GAD1: variants seen among roughly 807,000 people sequenced by gnomAD.
GAD1 encodes 67 kDa glutamic acid decarboxylase.
GAD1 carries 35 observed loss-of-function variants against 75.2 expected under a neutral mutation model. That is an observed-to-expected ratio of 0.47 (90% CI 0.36 to 0.62). GAD1 has a LOEUF of 0.62. GAD1 is among the 20% of genes least tolerant of loss of function. The pLI, the probability that GAD1 is intolerant of heterozygous loss-of-function variation, is 0.00. For synonymous variants in GAD1, 257 were observed against 271.9 expected (o/e 0.95, Z 0.54); for missense variants, 490 against 758.5 (o/e 0.65, Z 4.16).
chr2:170,834,766 T>A (rs1175561565), intron 5 of GAD1, among the ~76,000 whole-genome samples: 1 of 76,168 alleles, frequency 1.3e-5, no homozygotes, highest in Non-Finnish European at 2.8e-5. Context: ...ATATTCATTC[T>A]TTTTTTTTTT....
chr2:170,852,289 A>G lies in GAD1; in HGVS notation c.1185-425A>G, dbSNP rs45582337. ...TTTATATTAAGTTATTTTGTCCTTT[A>G]TTCAATTCTGTGAGGCACACACTCC... On this transcript the variant is annotated intron_variant, in intron 12 of 16. Coordinates refer to ENST00000358196, the MANE Select transcript of GAD1 (RefSeq NM_000817.3). Among the ~76,000 whole-genome samples, 930 of 152,284 alleles carry G rather than the reference A, an allele frequency of 6.1e-3. 4 individuals are homozygous for G. Among genetic ancestry groups the G allele is most frequent in the Non-Finnish European group, 8.6e-3 (585 of 68,016 alleles).
chr2:170,830,913 G>A, intron 4 of GAD1, 37 bp from the exon 5 acceptor site: 1 of 1,614,004 alleles, frequency 6.2e-7, no homozygotes, highest in Non-Finnish European at 8.5e-7. Context: ...CTAGATATGA[G>A]TCAGGTGAAA....
At chr2:170,824,074 C>G (rs981667695) in intron 3 of GAD1, among the ~76,000 whole-genome samples, 1 of 152,268 alleles carries the variant, frequency 6.6e-6, no homozygotes, top group African/African-American at 2.4e-5. Context: ...ACTCCCCCTC[C>G]CCCACTGTCA....
chr2:170,848,070 A>G (rs1199016991), intron 11 of GAD1, among the ~76,000 whole-genome samples: 1 of 152,208 alleles, frequency 6.6e-6, no homozygotes, highest in Non-Finnish European at 1.5e-5. Flanking sequence ...CTTTGTTGGG[A>G]CAAGTGGCTA....
chr2:170,819,298 AT>A (rs2105751418), intron 2 of GAD1, among the ~76,000 whole-genome samples: 1 of 148,948 alleles, frequency 6.7e-6, no homozygotes, highest in South Asian at 2.1e-4. Context: ...AGAGAAATAA[AT>A]AAATAAATAA....
At chr2:170,831,299 G>T in intron 5 of GAD1, 107 bp downstream of exon 5, 1 of 1,312,178 alleles carries the variant, frequency 7.6e-7, no homozygotes, top group South Asian at 1.2e-5. Context: ...CACAGCCCTG[G>T]TGAGATAAGG....
Position 170,853,983 on chromosome 2 carries a change from C to T in GAD1, c.1374C>T (p.His458=), listed in dbSNP as rs148157465. The change falls in exon 14 of 17, where the codon CAC becomes CAT. Residue 458 remains histidine (H), a synonymous_variant. Coordinates refer to ENST00000358196, the MANE Select transcript of GAD1 (RefSeq NM_000817.3). The surrounding 1 kb of genome is among the most constrained non-coding windows in gnomAD (Gnocchi z 4.1). ...ACAAGGCAATTCAGTGTGGCCGCCA[C>T]GTGGATATCTTCAAGTTCTGGCTGA... ...TGDKAIQCGR[H]VDIFKFWLMW... The T allele has an allele frequency of 1.7e-5, 28 of 1,613,856 alleles. No individual in the cohort carries two copies. Among genetic ancestry groups the T allele is most frequent in the African/African-American group, 2.7e-5 (2 of 74,820 alleles).
rs1702778399 is a variant in GAD1 at position 170,853,048 on chromosome 2, AATT to A, written c.1263+257_1263+259del. The A allele has an allele frequency of 1.1e-5, 6 of 553,190 alleles. No homozygotes were observed. In the Admixed American group the frequency reaches 1.2e-4, roughly 11 times the overall value. 34.3% of individuals were successfully genotyped at this position (553,190 alleles called of 1,614,324 possible). ...AACTGAACCTTTAAGGAAATTATTT[AATT>A]GAGTATTCCTTCATGTTTGCACAAA... On this transcript the variant is annotated intron_variant, in intron 13 of 16. Transcript: ENST00000358196. This position sits in a 1 kb window ranked among gnomAD's most constrained non-coding sequence, Gnocchi z 4.1.
intron 3 of GAD1, among the ~76,000 whole-genome samples, chr2:170,828,556 CCTCTGCTGTCCTCACCGTCCT>C (rs1702108740): frequency 2.1e-5 from 3 of 142,270 alleles, no homozygotes; most frequent in African/African-American, 2.7e-5. Context: ...CACCCTCCTA[CCTCTGCTGTCCTCACCGTCCT>C]CCTCTGCTGT....
Position 170,853,610 on chromosome 2 carries a change from A to G in GAD1, c.1264-263A>G. 1 of 432,026 alleles carries G rather than the reference A, an allele frequency of 2.3e-6. No individual in the cohort carries two copies. Among genetic ancestry groups the G allele is most frequent in the Non-Finnish European group, 4.3e-6 (1 of 232,368 alleles). 26.8% of individuals were successfully genotyped at this position (432,026 alleles called of 1,614,324 possible). ...TCCCAATCTTGAAACAATCCCAGAC[A>G]CCCATACACATTTCCCCTTAGAGGG... On this transcript the variant is annotated intron_variant, in intron 13 of 16. Transcript: ENST00000358196. The surrounding 1 kb of genome is among the most constrained non-coding windows in gnomAD (Gnocchi z 4.1).
intron 5 of GAD1, 94 bp from the exon 6 acceptor site, chr2:170,836,699 C>G (rs1702385522): frequency 1.2e-6 from 1 of 836,318 alleles, no homozygotes; most frequent in Admixed American, 1.8e-5. Flanking sequence ...GGGATGGAAG[C>G]CCCATCAGTG....
intron 3 of GAD1, among the ~76,000 whole-genome samples, 180 bp downstream of exon 3, chr2:170,822,329 G>A (rs965062579): frequency 2.0e-5 from 3 of 152,148 alleles, no homozygotes; most frequent in Non-Finnish European, 2.9e-5. Flanking sequence ...TCCTCTGCCC[G>A]CCCCAGACCT....
chr2:170,846,175 A>G (rs1702628963), intron 10 of GAD1, 112 bp downstream of exon 10: 2 of 927,932 alleles, frequency 2.2e-6, no homozygotes, highest in African/African-American at 1.7e-5. Context: ...CTAAAATTCT[A>G]TTCTTCAAAT....
chr2:170,850,393 C>T (rs1468188927), intron 12 of GAD1, among the ~76,000 whole-genome samples: 1 of 152,270 alleles, frequency 6.6e-6, no homozygotes, highest in South Asian at 2.1e-4. Flanking sequence ...TAAAGGGAGA[C>T]AGGAAGCAAG....
chr2:170,816,634 A>G (rs1192123256), upstream of GAD1: 1 of 151,840 alleles, frequency 6.6e-6, no homozygotes, highest in African/African-American at 2.4e-5. Flanking sequence ...AAAAAAAAAA[A>G]GCGTGTTGAG....
Position 170,844,059 on chromosome 2 carries a change from T to C in GAD1, c.653T>C (p.Ile218Thr), listed in dbSNP as rs1702579013. The change falls in exon 7 of 17, where the codon ATT (isoleucine) becomes ACT (threonine). Residue 218 changes from isoleucine (I) to threonine (T), a missense_variant. Around this residue, in one of 3 missense-constraint regions of GAD1, gnomAD observed 324 missense variants for 523.9 expected, o/e 0.62. Transcript: ENST00000358196. ...CACCTTTCCAGGTTTACATATGAAA[T>C]TGCACCAGTGTTTGTCCTCATGGAA... ...TANTNMFTYEIAPVFVLMEQI... is the reference protein window; with the variant it reads ...TANTNMFTYETAPVFVLMEQI... 1 of 1,594,330 alleles carries C rather than the reference T, an allele frequency of 6.3e-7. No individual in the cohort carries two copies. The highest frequency in any genetic ancestry group is 1.3e-5 in the African/African-American group (1 of 74,640).
At chr2:170,845,233 GT>G (rs1466901022) in intron 7 of GAD1, 4 of 512,822 alleles carry the variant, frequency 7.8e-6, no homozygotes, top group Non-Finnish European at 1.4e-5. Flanking sequence ...TTATATTTCT[GT>G]CTAGACTTCA....
rs1271319679 is a variant in GAD1, at chr2:170,846,070, A to G, written c.1002+7A>G. ...TCTTGAAGCCAAACAGAAGGTATGT[A>G]CTCCGTGGTGCATCTGAACTCCAGT... On this transcript the variant is annotated splice_region_variant and intron_variant, in intron 10 of 16. Coordinates refer to ENST00000358196, the MANE Select transcript of GAD1 (RefSeq NM_000817.3). 6.2e-7 allele frequency: 1 copy of G among 1,610,526 alleles called. No homozygotes were observed. The highest frequency in any genetic ancestry group is 8.5e-7 in the Non-Finnish European group (1 of 1,176,926).
At chr2:170,815,185 G>A (rs1239712081), upstream of GAD1, among the ~76,000 whole-genome samples, 1 of 152,164 alleles carries the variant, frequency 6.6e-6, no homozygotes, top group Non-Finnish European at 1.5e-5. Flanking sequence ...GCGCAGAGCA[G>A]CTGCCGGTTG....
Sources: gnomAD v4.1 joint callset for allele counts (sites outside exome capture counted in the v4.1 genomes callset) on GRCh38, gnomAD v4.1.1 for gene constraint, gnomAD v4.1.1 regional missense constraint, Gnocchi (gnomAD v3.1) non-coding constraint, MANE v1.5 for transcripts, NCBI Gene and HGNC (gene_info 2026-07-23, HGNC 2026-07-21) for gene names.